The following CDH13 variants were observed in gnomAD, a reference collection of about 807,000 sequenced individuals.
CDH13 encodes cadherin 13.
CDH13 carries 24 observed loss-of-function variants against 63.8 expected under a neutral mutation model. The ratio of observed to expected loss-of-function variants is 0.38; its 90% CI spans 0.27 to 0.53. The LOEUF is 0.53. CDH13 is among the 20% of genes least tolerant of loss of function. The pLI, the probability that CDH13 is intolerant of heterozygous loss-of-function variation, is 0.85. For synonymous variants in CDH13, 503 were observed against 355.3 expected, an observed-to-expected ratio of 1.42 and a Z score of -4.67; for missense variants, 1,049 against 903.1, an observed-to-expected ratio of 1.16 and a Z score of -2.07.
At chr16:82,891,197 G>T (rs553023226) in intron 2 of CDH13, among the ~76,000 whole-genome samples, 5 of 152,142 alleles carry the variant, frequency 3.3e-5, no homozygotes, top group Non-Finnish European at 5.9e-5. Flanking sequence ...TGAATAAAAT[G>T]AGTTCCATGC....
intron 6 of CDH13, among the ~76,000 whole-genome samples, chr16:83,379,330 G>A (rs1310271434): frequency 3.3e-5 from 5 of 152,174 alleles, no homozygotes; most frequent in African/African-American, 9.6e-5. Flanking sequence ...ACTCTTCTAC[G>A]TCCGGTGTCT....
At chr16:83,595,490 AC>A (rs1212509815) in intron 7 of CDH13, among the ~76,000 whole-genome samples, 1 of 152,222 alleles carries the variant, frequency 6.6e-6, no homozygotes, top group Non-Finnish European at 1.5e-5. Flanking sequence ...TTCATATTAA[AC>A]AAGGTAAGCT....
Position 83,779,405 on chromosome 16 carries a change from TCAAAAAAAAAAAAAA to T in CDH13, c.1682-562_1682-548del, listed in dbSNP as rs1171113598. Among the ~76,000 whole-genome samples, 18 of 67,810 alleles carry T rather than the reference TCAAAAAAAAAAAAAA, an allele frequency of 2.7e-4. 1 individual carries two copies. Among genetic ancestry groups the T allele is most frequent in the Admixed American group, 1.6e-3 (7 of 4,472 alleles). 44.5% of individuals were successfully genotyped at this position (67,810 alleles called of 152,430 possible). A position where few individuals can be genotyped will look rare whatever the true frequency, so the allele number is the denominator to read the frequency against. On this transcript the variant is annotated intron_variant, in intron 11 of 13. Coordinates refer to ENST00000567109, the MANE Select transcript of CDH13 (RefSeq NM_001257.5). ...CCGGGCGACAGCGCGAGACTCCATCTCAAAAAAAAAAAAAAAAAAAAAAAAAAAAAAAAGTCTTAT... is the reference window on the plus strand; with the variant it reads ...CCGGGCGACAGCGCGAGACTCCATCTAAAAAAAAAAAAAAAAAAGTCTTAT...
chr16:83,659,594 C>G (rs749276663), intron 8 of CDH13, among the ~76,000 whole-genome samples: 1 of 152,194 alleles, frequency 6.6e-6, no homozygotes, highest in African/African-American at 2.4e-5. Context: ...CATCCAAGAA[C>G]GATCTCTGAA....
intron 1 of CDH13, among the ~76,000 whole-genome samples, chr16:82,685,999 T>A (rs1018816115): frequency 6.6e-6 from 1 of 152,012 alleles, no homozygotes; most frequent in African/African-American, 2.4e-5. Context: ...TAGGAAAGAG[T>A]ACCATATTTC....
intron 3 of CDH13, among the ~76,000 whole-genome samples, chr16:83,102,965 T>TCTTTTTC (rs796996175): frequency 9.3e-6 from 1 of 107,836 alleles, no homozygotes; most frequent in Non-Finnish European, 1.8e-5. Flanking sequence ...TTTTTTTTTT[T>TCTTTTTC]TTTTTGAGGT....
At chr16:82,792,644 T>A (rs1010841259) in intron 1 of CDH13, among the ~76,000 whole-genome samples, 1 of 152,182 alleles carries the variant, frequency 6.6e-6, no homozygotes, top group Non-Finnish European at 1.5e-5. Flanking sequence ...TGGTGGCAGG[T>A]GGACCTTCAT....
At chr16:83,049,970 A>G (rs183892025) in intron 3 of CDH13, among the ~76,000 whole-genome samples, 1 of 152,238 alleles carries the variant, frequency 6.6e-6, no homozygotes, top group East Asian at 1.9e-4. Context: ...TGCTACAAAA[A>G]TAGTAATTGT....
intron 6 of CDH13, among the ~76,000 whole-genome samples, chr16:83,456,489 G>C (rs898623719): frequency 3.3e-5 from 5 of 152,224 alleles, no homozygotes; most frequent in African/African-American, 1.2e-4. Flanking sequence ...GGAACCCTGG[G>C]TTCAGGGGAG....
intron 7 of CDH13, among the ~76,000 whole-genome samples, chr16:83,598,029 G>C (rs1907438031): frequency 6.6e-6 from 1 of 152,172 alleles, no homozygotes; most frequent in South Asian, 2.1e-4. Context: ...ATTTAGACAA[G>C]AAGTTCATTA....
At chr16:83,616,309 G>A (rs1909276292) in intron 8 of CDH13, among the ~76,000 whole-genome samples, 1 of 152,130 alleles carries the variant, frequency 6.6e-6, no homozygotes, top group South Asian at 2.1e-4. Context: ...CCTAAAGGTA[G>A]ACAAGGCAGC....
chr16:82,946,422 G>A (rs9925747), intron 2 of CDH13, among the ~76,000 whole-genome samples: 3,127 of 152,172 alleles, frequency 0.021, 104 homozygotes, highest in African/African-American at 0.071. Context: ...ATAAAATTAA[G>A]CTTAATCTTC....
At chr16:83,216,553 AATAT>A (rs1481073835) in intron 4 of CDH13, among the ~76,000 whole-genome samples, 1 of 142,156 alleles carries the variant, frequency 7.0e-6, no homozygotes, top group African/African-American at 2.5e-5. Context: ...AATGGGGTTT[AATAT>A]ATATAATATG....
chr16:82,744,754 C>T (rs1248464101), intron 1 of CDH13, among the ~76,000 whole-genome samples: 2 of 152,178 alleles, frequency 1.3e-5, no homozygotes, highest in African/African-American at 4.8e-5. Flanking sequence ...AGCTCCACCA[C>T]CTATTTCGAG....
chr16:82,670,960 C>G (rs929964193), intron 1 of CDH13, among the ~76,000 whole-genome samples: 3 of 152,144 alleles, frequency 2.0e-5, no homozygotes, highest in African/African-American at 7.2e-5. Flanking sequence ...GTAATAGTAA[C>G]AATATCAATA....
chr16:83,662,746 A>G (rs993184452), intron 8 of CDH13, among the ~76,000 whole-genome samples: 2 of 152,230 alleles, frequency 1.3e-5, no homozygotes, highest in African/African-American at 4.8e-5. Context: ...ACCTGATGAG[A>G]TCAGTAGACA....
At chr16:83,272,129 C>T (rs2088839980) in intron 5 of CDH13, among the ~76,000 whole-genome samples, 1 of 152,166 alleles carries the variant, frequency 6.6e-6, no homozygotes, top group Admixed American at 6.5e-5. Flanking sequence ...TGGAGTACCT[C>T]TCTCAGTCCT....
At chr16:83,245,183 T>C (rs937446665) in intron 5 of CDH13, among the ~76,000 whole-genome samples, 3 of 152,174 alleles carry the variant, frequency 2.0e-5, no homozygotes, top group Admixed American at 6.5e-5. Context: ...TTTAAGCTGC[T>C]TTCTTTACCT....
At chr16:83,583,760 GA>G (rs1164720472) in intron 7 of CDH13, among the ~76,000 whole-genome samples, 10 of 144,950 alleles carry the variant, frequency 6.9e-5, no homozygotes, top group African/African-American at 7.6e-5. Flanking sequence ...ATACTAAAAA[GA>G]AAAAAAAAAG....
Sources: allele counts gnomAD v4.1 joint callset (sites outside exome capture counted in the v4.1 genomes callset), GRCh38; gene constraint gnomAD v4.1.1; transcripts MANE v1.5; gene names NCBI Gene and HGNC (gene_info 2026-07-23, HGNC 2026-07-21).